The following KIF6 variants were observed in gnomAD, a reference collection of about 807,000 sequenced individuals.
KIF6 encodes kinesin family member 6.
Under a neutral mutation model 112.7 loss-of-function variants are expected in KIF6, and 106 were observed. The observed-to-expected ratio is 0.94, with a 90% CI of 0.80 to 1.11. The LOEUF (loss-of-function observed/expected upper bound fraction) is 1.11, where lower values mean the gene tolerates loss of function less well. KIF6 is among the 50% of genes least tolerant of loss of function. The probability of loss-of-function intolerance (pLI) is 0.00; values close to 1 mark genes in which losing one functional copy is unlikely to be tolerated. For synonymous variants in KIF6, 339 were observed against 339.9 expected (o/e 1.00, Z 0.03); for missense variants, 929 against 964.0 (o/e 0.96, Z 0.48).
At chr6:39,491,690 T>C (rs1373458078) in intron 13 of KIF6, among the ~76,000 whole-genome samples, 1 of 152,014 alleles carries the variant, frequency 6.6e-6, no homozygotes, top group African/African-American at 2.4e-5. Flanking sequence ...TTGAAGACAG[T>C]GTTAGCAGAA....
intron 3 of KIF6, among the ~76,000 whole-genome samples, chr6:39,703,252 G>A (rs530603852): frequency 1.2e-4 from 19 of 152,032 alleles, no homozygotes; most frequent in Non-Finnish European, 2.5e-4. Flanking sequence ...ATTTAGCAAG[G>A]ATGATTTCAA....
rs1285417153 is a variant in KIF6 at position 39,343,983 on chromosome 6, A to T, written c.2322-168T>A. On this transcript the variant is annotated intron_variant, in intron 21 of 22. Coordinates refer to ENST00000287152, the MANE Select transcript of KIF6 (RefSeq NM_145027.6). This position sits in a 1 kb window ranked among gnomAD's most constrained non-coding sequence, Gnocchi z 4.1. ...ACCTTCTCTGTGTGGCAGCCACACT[A>T]AGCCTCTTGTCATGCAAATTGGGTC... Among the ~76,000 whole-genome samples, 1 of 152,142 alleles carries T rather than the reference A, an allele frequency of 6.6e-6. No individual in the cohort carries two copies. Among genetic ancestry groups the T allele is most frequent in the Non-Finnish European group, 1.5e-5 (1 of 68,028 alleles).
At chr6:39,446,780 G>A (rs1214205039) in intron 13 of KIF6, among the ~76,000 whole-genome samples, 15 of 152,162 alleles carry the variant, frequency 9.9e-5, no homozygotes, top group Non-Finnish European at 2.2e-4. Flanking sequence ...ATGAGCCACT[G>A]AGCCTGGCCA....
chr6:39,586,649 A>T (rs2150663872), intron 7 of KIF6, among the ~76,000 whole-genome samples: 1 of 152,340 alleles, frequency 6.6e-6, no homozygotes, highest in South Asian at 2.1e-4. Flanking sequence ...GACAAATGAA[A>T]TAACCTGTAT....
Position 39,720,696 on chromosome 6 carries a change from A to G in KIF6, c.176+6T>C, listed in dbSNP as rs1790158551. The G allele has an allele frequency of 2.1e-6, 3 of 1,449,678 alleles. No homozygotes were observed. Among genetic ancestry groups the G allele is most frequent in the East Asian group, 4.5e-5 (2 of 44,112 alleles). 89.8% of individuals were successfully genotyped at this position (1,449,678 alleles called of 1,614,324 possible). ...AGAAATGAAAAAAGGAGAAAGAAAA[A>G]CTTACTTAAATTTGTAGCTTTCTCG... On this transcript the variant is annotated splice_donor_region_variant and intron_variant, in intron 2 of 22. Coordinates refer to ENST00000287152, the MANE Select transcript of KIF6 (RefSeq NM_145027.6).
At chr6:39,724,814 C>T (rs1406411002) in intron 1 of KIF6, among the ~76,000 whole-genome samples, 1 of 152,210 alleles carries the variant, frequency 6.6e-6, no homozygotes, top group Non-Finnish European at 1.5e-5. Flanking sequence ...ACACGCATCT[C>T]TTGCTTGCAC....
Position 39,343,308 on chromosome 6 carries a change from T to A in KIF6, c.2428+401A>T, listed in dbSNP as rs113891504. 3.1e-6 allele frequency: 4 copies of A among 1,293,534 alleles called. No individual in the cohort carries two copies. Among genetic ancestry groups the A allele is most frequent in the Non-Finnish European group, 4.0e-6 (4 of 991,530 alleles). The allele number at this position is 1,293,534 out of a possible 1,614,324, so 80.1% of individuals were successfully genotyped here. On this transcript the variant is annotated intron_variant, in intron 22 of 22. Transcript: ENST00000287152. This position sits in a 1 kb window ranked among gnomAD's most constrained non-coding sequence, Gnocchi z 4.1. ...CTCTTTGGCAAGAACCACACTCTGATAGGGGAGTGAGACTTTAAGCCAGGG... is the reference window on the plus strand; with the variant it reads ...CTCTTTGGCAAGAACCACACTCTGAAAGGGGAGTGAGACTTTAAGCCAGGG...
intron 16 of KIF6, among the ~76,000 whole-genome samples, chr6:39,377,526 G>A (rs1329471513): frequency 1.3e-5 from 2 of 152,118 alleles, no homozygotes; most frequent in Non-Finnish European, 2.9e-5. Flanking sequence ...TTGTCCCTAG[G>A]TGCAGAACTG....
intron 10 of KIF6, chr6:39,554,408 A>ACCT (rs1422715120): frequency 6.3e-6 from 1 of 159,874 alleles, no homozygotes; most frequent in Non-Finnish European, 1.4e-5. Context: ...GGAGCTCACC[A>ACCT]CCTGTGGCTG....
rs553830752 is a variant in KIF6 at position 39,580,137 on chromosome 6, A to G, written c.1078-1978T>C. Among the ~76,000 whole-genome samples the G allele has an allele frequency of 2.2e-3, 335 of 152,184 alleles. 1 individual carries two copies. The highest frequency in any genetic ancestry group is 7.5e-3 in the African/African-American group (312 of 41,578). On this transcript the variant is annotated intron_variant, in intron 9 of 22. Coordinates refer to ENST00000287152, the MANE Select transcript of KIF6 (RefSeq NM_145027.6). The stretch of plus-strand genomic sequence containing the variant: ...TGATATTAAATTATCCCATCCATAA[A>G]CATGGTATAGCTTTCCACTGATTCC...
At chr6:39,720,095 C>T (rs955846840) in intron 2 of KIF6, among the ~76,000 whole-genome samples, 2 of 152,120 alleles carry the variant, frequency 1.3e-5, no homozygotes, top group Admixed American at 1.3e-4. Flanking sequence ...CAAAATGTTA[C>T]AATTTCAGCA....
At chr6:39,577,825 C>T (rs937270994) in intron 10 of KIF6, among the ~76,000 whole-genome samples, 1 of 152,168 alleles carries the variant, frequency 6.6e-6, no homozygotes, top group South Asian at 2.1e-4. Flanking sequence ...ATATTCCCAT[C>T]CTCTCTTTGC....
At chr6:39,561,654 G>A (rs764603513) in intron 10 of KIF6, among the ~76,000 whole-genome samples, 2 of 152,088 alleles carry the variant, frequency 1.3e-5, no homozygotes, top group African/African-American at 2.4e-5. Context: ...GCCGCACCTG[G>A]CCAACTCAAA....
intron 22 of KIF6, among the ~76,000 whole-genome samples, chr6:39,338,664 G>T (rs1284547976): frequency 6.6e-6 from 1 of 152,182 alleles, no homozygotes; most frequent in Non-Finnish European, 1.5e-5. Context: ...GAACCATTCA[G>T]TCAGGATCAC....
At chr6:39,454,531 CAAAAAAA>C (rs560119968) in intron 13 of KIF6, among the ~76,000 whole-genome samples, 9 of 76,042 alleles carry the variant, frequency 1.2e-4, no homozygotes, top group Non-Finnish European at 2.4e-4. Flanking sequence ...CTGAGAGCAT[CAAAAAAA>C]AAAAAAAAAA....
chr6:39,523,153 A>T (rs1344633718), intron 13 of KIF6, among the ~76,000 whole-genome samples: 4 of 152,134 alleles, frequency 2.6e-5, no homozygotes, highest in Non-Finnish European at 5.9e-5. Flanking sequence ...ATCCTAGGTT[A>T]TTCATCTTAC....
intron 13 of KIF6, among the ~76,000 whole-genome samples, chr6:39,439,380 C>T (rs764125884): frequency 3.3e-5 from 5 of 152,142 alleles, no homozygotes; most frequent in East Asian, 1.9e-4. Context: ...AGGTTCCCAG[C>T]GCTGGATCCC....
At chr6:39,570,956 A>G in intron 10 of KIF6, among the ~76,000 whole-genome samples, 1 of 152,212 alleles carries the variant, frequency 6.6e-6, no homozygotes, top group Non-Finnish European at 1.5e-5. Flanking sequence ...GTTAGATCAG[A>G]GAATTTCCTA....
chr6:39,645,351 T>C (rs1785105799), intron 3 of KIF6, among the ~76,000 whole-genome samples: 1 of 152,048 alleles, frequency 6.6e-6, no homozygotes, highest in South Asian at 2.1e-4. Context: ...CATTTTAAAG[T>C]TTAGTTTTTC....
Sources: gnomAD v4.1 joint callset for allele counts (sites outside exome capture counted in the v4.1 genomes callset) on GRCh38, gnomAD v4.1.1 for gene constraint, Gnocchi (gnomAD v3.1) non-coding constraint, MANE v1.5 for transcripts, NCBI Gene and HGNC (gene_info 2026-07-23, HGNC 2026-07-21) for gene names.